The following CEP85 variants were observed in gnomAD, a reference collection of about 807,000 sequenced individuals.
The protein encoded by CEP85 is centrosomal protein 85, also known as centrosomal protein of 85 kDa.
CEP85 carries 58 observed loss-of-function variants against 93.7 expected under a neutral mutation model. The ratio of observed to expected loss-of-function variants is 0.62; its 90% CI spans 0.50 to 0.77. CEP85 has a LOEUF of 0.77. Among genes scored for constraint, CEP85 ranks in the 30% least tolerant of loss-of-function variants. The pLI, the probability that CEP85 is intolerant of heterozygous loss-of-function variation, is 0.00. For missense variants in CEP85, 868 were observed against 922.0 expected, an observed-to-expected ratio of 0.94 and a Z score of 0.76; for synonymous variants, 314 against 338.6, an observed-to-expected ratio of 0.93 and a Z score of 0.80.
At chr1:26,270,284 G>C (rs2089955749) in intron 9 of CEP85, among the ~76,000 whole-genome samples, 1 of 152,202 alleles carries the variant, frequency 6.6e-6, no homozygotes. Flanking sequence ...GTTATCCACA[G>C]TTCGAGCTGT....
chr1:26,257,539 G>A, intron 4 of CEP85, 58 bp from the exon 5 acceptor site: 1 of 1,598,400 alleles, frequency 6.3e-7, no homozygotes, highest in Non-Finnish European at 8.5e-7. Context: ...TACTGCTCAG[G>A]TGTTTTCAGG....
At chr1:26,252,510 C>T (rs185913952) in intron 3 of CEP85, among the ~76,000 whole-genome samples, 1 of 152,294 alleles carries the variant, frequency 6.6e-6, no homozygotes, top group Non-Finnish European at 1.5e-5. Flanking sequence ...CCAGCCTGGG[C>T]AACAAGAGTG....
intron 7 of CEP85, among the ~76,000 whole-genome samples, chr1:26,262,476 T>C (rs983160302): frequency 2.6e-5 from 4 of 151,124 alleles, no homozygotes; most frequent in Admixed American, 2.6e-4. Context: ...AGTGAGAGTC[T>C]GTCTCAAAAA....
rs765871395 is a variant in CEP85 at position 26,259,762 on chromosome 1, T to C, written c.1301T>C (p.Leu434Ser). 12 of 1,613,514 alleles carry C rather than the reference T, an allele frequency of 7.4e-6. No individual in the cohort carries two copies. The highest frequency in any genetic ancestry group is 1.7e-4 in the Middle Eastern group (1 of 6,060). ...ATCAGAGAGTCGCTCAAAGTGGCGT[T>C]GCAGAAGCATTCTGAGGAAGTGAAG... ...QLIRESLKVALQKHSEEVKKQ... is the reference protein window; with the variant it reads ...QLIRESLKVASQKHSEEVKKQ... The change falls in exon 7 of 14, where the codon TTG becomes TCG. Residue 434 changes from leucine to serine, a missense_variant. Physicochemically the swap from Leu to Ser is moderately radical, Grantham distance 145. Transcript: ENST00000451429.
intron 7 of CEP85, among the ~76,000 whole-genome samples, chr1:26,264,119 G>GT (rs1433751875): frequency 6.6e-6 from 1 of 152,116 alleles, no homozygotes; most frequent in African/African-American, 2.4e-5. Context: ...GATTGTAATT[G>GT]TTTTGGGTGT....
intron 3 of CEP85, among the ~76,000 whole-genome samples, chr1:26,248,174 G>A (rs573355476): frequency 6.6e-6 from 1 of 152,168 alleles, no homozygotes; most frequent in African/African-American, 2.4e-5. Context: ...TCTCCTGACT[G>A]TGTAATATTC....
chr1:26,250,606 C>A (rs1363744431), intron 3 of CEP85, among the ~76,000 whole-genome samples: 2 of 152,186 alleles, frequency 1.3e-5, no homozygotes, highest in Non-Finnish European at 2.9e-5. Flanking sequence ...ACAAAGACCT[C>A]ACCTTAATTT....
At chr1:26,262,179 C>T (rs1269100912) in intron 7 of CEP85, among the ~76,000 whole-genome samples, 6 of 152,144 alleles carry the variant, frequency 3.9e-5, no homozygotes, top group Middle Eastern at 3.4e-3. Context: ...TGGTGGCGCA[C>T]GCCTATAGTC....
chr1:26,250,173 C>T (rs2089583466), intron 3 of CEP85, among the ~76,000 whole-genome samples: 1 of 152,176 alleles, frequency 6.6e-6, no homozygotes, highest in African/African-American at 2.4e-5. Context: ...CTCAGAGGTC[C>T]CCAACTCCTG....
chr1:26,241,392 G>T (rs375816063), intron 2 of CEP85, among the ~76,000 whole-genome samples: 1 of 151,558 alleles, frequency 6.6e-6, no homozygotes, highest in African/African-American at 2.4e-5. Context: ...ACAGGTGCCC[G>T]CCACCATGCC....
intron 7 of CEP85, among the ~76,000 whole-genome samples, chr1:26,267,825 G>GT (rs1247522481): frequency 6.6e-6 from 1 of 152,176 alleles, no homozygotes; most frequent in Admixed American, 6.5e-5. Flanking sequence ...GCTTAAAGCA[G>GT]TTGATTTTTC....
intron 3 of CEP85, among the ~76,000 whole-genome samples, chr1:26,250,779 G>A (rs1436069004): frequency 6.6e-6 from 1 of 152,094 alleles, no homozygotes; most frequent in Non-Finnish European, 1.5e-5. Context: ...AACTTATACA[G>A]AAAAGATGTT....
In CEP85 at chr1:26,272,032, G is replaced by T. The variant is rs769262933; in HGVS notation, c.1755G>T (p.Lys585Asn). 2 of 1,614,092 alleles carry T rather than the reference G, an allele frequency of 1.2e-6. No homozygotes were observed. Among genetic ancestry groups the T allele is most frequent in the Non-Finnish European group, 1.7e-6 (2 of 1,179,976 alleles). Residue 585 changes from lysine (K) to asparagine (N), a missense_variant, in exon 11 of 14, where the codon AAG becomes AAT. By Grantham distance (94) the Lys-to-Asn change is moderately conservative. Coordinates refer to ENST00000451429, the MANE Select transcript of CEP85 (RefSeq NM_001319944.2). Reference protein sequence around the residue: ...RYDSLQKIVEKQQQKMDQLRS... With the variant: ...RYDSLQKIVENQQQKMDQLRS... ...ACTTTGCCTTTCAGATTGTGGAGAA[G>T]CAGCAGCAGAAGATGGATCAGTTGC...
chr1:26,276,719 A>C lies in CEP85; in HGVS notation c.2087A>C (p.Gln696Pro), dbSNP rs1162230663. 1 of 1,614,190 alleles carries C rather than the reference A, an allele frequency of 6.2e-7. No homozygotes were observed. The highest frequency in any genetic ancestry group is 2.2e-5 in the East Asian group (1 of 44,890). ...AVCSIVTQRA[Q>P]GHDPNLSLLL... ...TGTAGCATTGTGACCCAGAGGGCCC[A>C]GGGCCATGACCCCAATCTCTCCCTG... The change falls in exon 13 of 14, where the codon CAG (glutamine) becomes CCG (proline). Residue 696 changes from glutamine (Q) to proline (P), a missense_variant. Coordinates refer to ENST00000451429, the MANE Select transcript of CEP85 (RefSeq NM_001319944.2).
At chr1:26,242,846 AATTATAGTGGTTTT>A (rs1330472255) in intron 2 of CEP85, among the ~76,000 whole-genome samples, 2 of 152,146 alleles carry the variant, frequency 1.3e-5, no homozygotes, top group Non-Finnish European at 2.9e-5. Context: ...ACCTTAGGAA[AATTATAGTGGTTTT>A]TAGAAAATAA....
intron 11 of CEP85, 66 bp downstream of exon 11, chr1:26,272,137 TA>T (rs2089984665): frequency 6.6e-7 from 1 of 1,513,352 alleles, no homozygotes; most frequent in African/African-American, 1.4e-5. Flanking sequence ...ATTTAGCCAA[TA>T]TTTATTTTGT....
intron 4 of CEP85, 30 bp from the exon 5 acceptor site, chr1:26,257,567 C>A (rs762453192): frequency 1.2e-6 from 2 of 1,612,712 alleles, no homozygotes; most frequent in Admixed American, 3.3e-5. Context: ...GGGTCAAGAT[C>A]AAGCTCATCT....
intron 3 of CEP85, among the ~76,000 whole-genome samples, chr1:26,253,390 C>CT (rs778365418): frequency 0.013 from 1,758 of 134,612 alleles, 38 homozygotes; most frequent in African/African-American, 0.038. Context: ...TATCTTTCAT[C>CT]TTTTTTTTTT....
chr1:26,275,091 CCT>C lies in CEP85; in HGVS notation c.1902+23_1902+24del. ...AAGGAGGTGAGCAACATTAGTCAGA[CCT>C]CTTGGTTTTGCCTCCACAAACCCGA... On this transcript the variant is annotated intron_variant, in intron 12 of 13. Coordinates refer to ENST00000451429, the MANE Select transcript of CEP85 (RefSeq NM_001319944.2). 1 of 1,545,192 alleles carries C rather than the reference CCT, an allele frequency of 6.5e-7. No individual in the cohort carries two copies. The highest frequency in any genetic ancestry group is 8.8e-7 in the Non-Finnish European group (1 of 1,140,782).
Sources: gnomAD v4.1 joint callset for allele counts (sites outside exome capture counted in the v4.1 genomes callset) on GRCh38, gnomAD v4.1.1 for gene constraint, MANE v1.5 for transcripts, NCBI Gene and HGNC (gene_info 2026-07-23, HGNC 2026-07-21) for gene names.